The following HOOK2 variants were observed in gnomAD, a reference collection of about 807,000 sequenced individuals.
HOOK2 encodes the protein hook microtubule tethering protein 2, also known as protein Hook homolog 2.
A neutral mutation model predicts 111.9 loss-of-function variants in HOOK2; 108 were observed. That is an observed-to-expected ratio of 0.96 (90% CI 0.83 to 1.13). The LOEUF is 1.13. HOOK2 is among the 50% of genes most tolerant of loss of function. HOOK2 has a pLI of 0.00. For synonymous variants in HOOK2, 405 were observed against 394.3 expected, an observed-to-expected ratio of 1.03 and a Z score of -0.32; for missense variants, 978 against 951.3, an observed-to-expected ratio of 1.03 and a Z score of -0.37.
chr19:12,775,824 C>T (rs1210186125), upstream of HOOK2, among the ~76,000 whole-genome samples: 2 of 151,926 alleles, frequency 1.3e-5, no homozygotes, highest in Non-Finnish European at 2.9e-5. Flanking sequence ...GGTGCTCCAC[C>T]CTGTTACACA....
In HOOK2 at chr19:12,775,430, T is replaced by C. The variant is rs970494060; in HGVS notation, c.20A>G (p.Glu7Gly). 3 of 1,611,868 alleles carry C rather than the reference T, an allele frequency of 1.9e-6. No individual in the cohort carries two copies. The highest frequency in any genetic ancestry group is 2.7e-5 in the African/African-American group (2 of 74,384). Residue 7 changes from glutamate to glycine, a missense_variant, in exon 1 of 23, where the codon GAG becomes GGG. Transcript: ENST00000397668. ...CCAGGTGAGCAGAGACCCGCATAGCTCAGCTTTGTCCACGCTCATGGCTCC... is the reference window on the plus strand; with the variant it reads ...CCAGGTGAGCAGAGACCCGCATAGCCCAGCTTTGTCCACGCTCATGGCTCC... MSVDKA[E>G]LCGSLLTWLQ...
At chr19:12,763,622 G>A (rs756734416) in intron 21 of HOOK2, 23 bp from the exon 22 acceptor site, 6 of 1,614,084 alleles carry the variant, frequency 3.7e-6, no homozygotes, top group Admixed American at 1.7e-5. Flanking sequence ...CAAGTGTCAG[G>A]GGCCTAGATA....
At chr19:12,767,983 GGGGCTT>G in intron 12 of HOOK2, 24 bp downstream of exon 12, 1 of 1,611,766 alleles carries the variant, frequency 6.2e-7, no homozygotes, top group South Asian at 1.1e-5. Flanking sequence ...TTGGCAGGGT[GGGGCTT>G]GGGCAGTGGA....
upstream of HOOK2, among the ~76,000 whole-genome samples, chr19:12,780,547 G>A (rs1968589836): frequency 6.7e-6 from 1 of 149,444 alleles, no homozygotes; most frequent in Non-Finnish European, 1.5e-5. Flanking sequence ...TAGTAGAGAC[G>A]AGGTTTCACC....
At chr19:12,777,628 G>A (rs764422748), upstream of HOOK2, among the ~76,000 whole-genome samples, 4 of 152,356 alleles carry the variant, frequency 2.6e-5, no homozygotes, top group South Asian at 8.3e-4. Flanking sequence ...GCCTGGATCC[G>A]TCTTCCACGA....
In HOOK2 at chr19:12,763,260, G is replaced by C. The variant is rs1968048327; in HGVS notation, c.*22C>G. ...GGAAGCCAGGGTGGGTGGAGCCCAG[G>C]CTGGCTTGATTGTGAGGTCTGTCAG... On this transcript the variant is annotated 3_prime_UTR_variant, in exon 23 of 23. Transcript: ENST00000397668. The C allele has an allele frequency of 7.5e-6, 12 of 1,606,556 alleles. No individual in the cohort carries two copies. Among genetic ancestry groups the C allele is most frequent in the Non-Finnish European group, 1.0e-5 (12 of 1,175,030 alleles).
rs758255890 is a variant in HOOK2 at position 12,770,118 on chromosome 19, C to T, written c.903-36G>A. On this transcript the variant is annotated intron_variant, in intron 10 of 22. Transcript: ENST00000397668. The stretch of plus-strand genomic sequence containing the variant: ...GGGAGGGAAGGGGGAGGGCTGAGAG[C>T]TCTGATCAGGGGTCAGCTGGGATGT... 1.2e-5 allele frequency: 18 copies of T among 1,451,822 alleles called. No individual in the cohort carries two copies. The East Asian group carries it at 3.7e-4, about 30-fold the overall frequency. The allele number at this position is 1,451,822 out of a possible 1,614,324, so 89.9% of individuals were successfully genotyped here. A position where few individuals can be genotyped will look rare whatever the true frequency, so the allele number is the denominator to read the frequency against.
chr19:12,785,353 A>G (rs1968646025), intron 3 of HOOK2, among the ~76,000 whole-genome samples: 1 of 151,404 alleles, frequency 6.6e-6, no homozygotes, highest in South Asian at 2.1e-4. Context: ...CCAGCCACAG[A>G]CCTCTTTTTC....
intron 3 of HOOK2, chr19:12,785,240 TCACA>T (rs1157393635): frequency 6.7e-6 from 1 of 149,354 alleles, no homozygotes; most frequent in African/African-American, 2.5e-5. Context: ...GCCACAGACC[TCACA>T]CACAGAGACC....
At chr19:12,772,939 C>T (rs780753471) in intron 4 of HOOK2, 27 bp from the exon 5 acceptor site, 2 of 1,614,236 alleles carry the variant, frequency 1.2e-6, no homozygotes, top group Non-Finnish European at 1.7e-6. Flanking sequence ...GTCAGGGGCT[C>T]ATGGGCCCAC....
In HOOK2 at chr19:12,772,924, G is replaced by A. The variant is rs760398530; in HGVS notation, c.256-12C>T. ...GGATGCGCCAGGACCTGGGGAGAAG[G>A]GGGTGTCAGGGGCTCATGGGCCCAC... On this transcript the variant is annotated splice_polypyrimidine_tract_variant and intron_variant, in intron 4 of 22. Coordinates refer to ENST00000397668, the MANE Select transcript of HOOK2 (RefSeq NM_013312.3). 13 of 1,614,076 alleles carry A rather than the reference G, an allele frequency of 8.1e-6. No homozygotes were observed. In the African/African-American group the frequency reaches 1.2e-4, roughly 15 times the overall value.
chr19:12,766,275 C>G, intron 14 of HOOK2, 35 bp from the exon 15 acceptor site: 3 of 1,503,088 alleles, frequency 2.0e-6, no homozygotes, highest in Non-Finnish European at 2.7e-6. Context: ...GGGCCAGGGT[C>G]GAGTCACCTC....
chr19:12,791,545 A>C lies in HOOK2; in HGVS notation n.42-17320T>G. On this transcript the variant is annotated intron_variant and non_coding_transcript_variant, in intron 3 of 3. Transcript: ENST00000589765. This position sits in a 1 kb window ranked among gnomAD's most constrained non-coding sequence, Gnocchi z 7.0. ...CAGCAGGGAGCTGGGAGCTGGGGGA[A>C]ACGACGCCAGGAAAGCTATCGCGCC... 2.1e-6 allele frequency: 1 copy of C among 477,624 alleles called. No individual in the cohort carries two copies. 29.6% of individuals were successfully genotyped at this position (477,624 alleles called of 1,614,324 possible).
At chr19:12,788,837 C>G (rs1192284440) in intron 3 of HOOK2, among the ~76,000 whole-genome samples, 1 of 152,098 alleles carries the variant, frequency 6.6e-6, no homozygotes, top group South Asian at 2.1e-4. Context: ...CACAGGCCTC[C>G]GGAATCTCCC....
chr19:12,767,922 A>T lies in HOOK2; in HGVS notation c.1216-19T>A, dbSNP rs1286641968. The T allele has an allele frequency of 1.9e-6, 3 of 1,611,696 alleles. No homozygotes were observed. The highest frequency in any genetic ancestry group is 2.5e-6 in the Non-Finnish European group (3 of 1,179,074). ...ACAGCCGCTGCAGGGACAGGGTACA[A>T]GACACTCCACGGGTCAGGCTCGGCC... is the stretch of plus-strand genomic sequence containing the variant. On this transcript the variant is annotated intron_variant, in intron 12 of 22. Transcript: ENST00000397668.
chr19:12,771,887 A>G (rs1158074205), intron 7 of HOOK2: 18 of 362,382 alleles, frequency 5.0e-5, no homozygotes, highest in Non-Finnish European at 7.0e-5. Flanking sequence ...ATCTCAAAAA[A>G]AAAAAAAAAA....
Position 12,764,904 on chromosome 19 carries a change from G to T in HOOK2, c.1737C>A (p.Ile579=). The T allele has an allele frequency of 6.2e-7, 1 of 1,614,146 alleles. No homozygotes were observed. Among genetic ancestry groups the T allele is most frequent in the East Asian group, 2.2e-5 (1 of 44,876 alleles). The part of the protein sequence containing the change: ...PPTDSSTARR[I]EELQHNLQKK... ...TCTGCAAGTTATGCTGCAGCTCCTC[G>T]ATCCGCCGGGCTGCTGGCGGAAGAG... Residue 579 remains isoleucine, a synonymous_variant, in exon 20 of 23, where the codon ATC becomes ATA. Transcript: ENST00000397668.
chr19:12,773,227 GTTTCTTTTTTT>G (rs949284016), intron 3 of HOOK2, 183 bp from the exon 4 acceptor site: 7 of 284,360 alleles, frequency 2.5e-5, no homozygotes, highest in African/African-American at 1.6e-4. Flanking sequence ...GACCATCTTT[GTTTCTTTTTTT>G]TTTTTTTTTT....
upstream of HOOK2, among the ~76,000 whole-genome samples, chr19:12,779,030 A>C (rs1365804104): frequency 6.6e-6 from 1 of 151,638 alleles, no homozygotes; most frequent in East Asian, 1.9e-4. Flanking sequence ...AAGGATCCAA[A>C]CCCCTGTTTT....
Sources: gnomAD v4.1 joint callset for allele counts (sites outside exome capture counted in the v4.1 genomes callset) on GRCh38, gnomAD v4.1.1 for gene constraint, Gnocchi (gnomAD v3.1) non-coding constraint, MANE v1.5 for transcripts, NCBI Gene and HGNC (gene_info 2026-07-23, HGNC 2026-07-21) for gene names.